ANKRD50: variants seen among roughly 807,000 people sequenced by gnomAD.
ANKRD50 encodes the protein ankyrin repeat domain 50.
A neutral mutation model predicts 112.0 loss-of-function variants in ANKRD50; 40 were observed. The ratio of observed to expected loss-of-function variants is 0.36; its 90% CI spans 0.28 to 0.46. The LOEUF is 0.46. ANKRD50 is among the 20% of genes least tolerant of loss of function. The pLI is 1.00. For synonymous variants in ANKRD50, 613 were observed against 619.1 expected, an observed-to-expected ratio of 0.99 and a Z score of 0.15; for missense variants, 1,487 against 1,701.7, an observed-to-expected ratio of 0.87 and a Z score of 2.22.
chr4:124,682,395 A>T (rs1225170687), intron 2 of ANKRD50, among the ~76,000 whole-genome samples: 1 of 151,514 alleles, frequency 6.6e-6, no homozygotes, highest in Middle Eastern at 3.5e-3. Context: ...TCTGTAATTG[A>T]CAATTAGGTT....
intron 4 of ANKRD50, 60 bp downstream of exon 4, chr4:124,668,924 C>T: frequency 6.9e-7 from 1 of 1,448,596 alleles, no homozygotes. Context: ...AGGAAAAGAG[C>T]ATTCCAAGTA....
rs189776082 is a variant in ANKRD50, at chr4:124,676,509, T to A, written c.742+2167A>T. Among the ~76,000 whole-genome samples, 183 of 151,664 alleles carry A rather than the reference T, an allele frequency of 1.2e-3. 2 individuals carry two copies. The highest frequency in any genetic ancestry group is 4.1e-3 in the African/African-American group (172 of 41,460). On this transcript the variant is annotated intron_variant, in intron 3 of 4. Transcript: ENST00000504087. Reference sequence around the variant, plus strand: ...GAGTAATAGTACACAGACATATCTATATGTACACACACCCAAACTTAATGT... The same window carrying A: ...GAGTAATAGTACACAGACATATCTAAATGTACACACACCCAAACTTAATGT...
intron 3 of ANKRD50, among the ~76,000 whole-genome samples, chr4:124,676,953 CATAAT>C (rs1730787356): frequency 2.0e-5 from 3 of 151,522 alleles, no homozygotes; most frequent in South Asian, 2.1e-4. Flanking sequence ...TACAAATAAA[CATAAT>C]AGAGTATTTT....
At chr4:124,708,885 A>T (rs915585519) in intron 2 of ANKRD50, among the ~76,000 whole-genome samples, 7 of 151,994 alleles carry the variant, frequency 4.6e-5, no homozygotes, top group African/African-American at 1.7e-4. Flanking sequence ...TTTGTAAAGC[A>T]CTTAGAATAA....
chr4:124,677,032 C>A (rs1198562750), intron 3 of ANKRD50, among the ~76,000 whole-genome samples: 1 of 151,562 alleles, frequency 6.6e-6, no homozygotes, highest in African/African-American at 2.4e-5. Flanking sequence ...TAAAAAGAAA[C>A]CACCCAACAC....
intron 3 of ANKRD50, among the ~76,000 whole-genome samples, chr4:124,674,842 C>G (rs897963951): frequency 1.3e-5 from 2 of 151,704 alleles, no homozygotes; most frequent in African/African-American, 4.8e-5. Context: ...ATGTTCTTTA[C>G]CAATGATGGT....
In ANKRD50 at chr4:124,672,317, T is replaced by C. The variant is rs1405053391; in HGVS notation, c.960A>G (p.Leu320=). Residue 320 remains leucine, a synonymous_variant, in exon 4 of 5, where the codon TTA becomes TTG. Transcript: ENST00000504087. ...LDGVVENFIM[L]REIRDIPGTL... The stretch of plus-strand genomic sequence containing the variant: ...TTCCTGGGATGTCACGAATTTCTCT[T>C]AACATAATAAAATTTTCTACAACTC... 4 of 1,613,300 alleles carry C rather than the reference T, an allele frequency of 2.5e-6. No individual in the cohort carries two copies. Among genetic ancestry groups the C allele is most frequent in the African/African-American group, 2.7e-5 (2 of 74,838 alleles).
chr4:124,711,892 C>T (rs1334770810), intron 1 of ANKRD50, among the ~76,000 whole-genome samples: 2 of 152,092 alleles, frequency 1.3e-5, no homozygotes, highest in African/African-American at 2.4e-5. Flanking sequence ...CCAGTCTGGC[C>T]GGAGAAAAGG....
At chr4:124,668,922 A>G (rs571371414) in intron 4 of ANKRD50, 62 bp downstream of exon 4, 2 of 1,446,736 alleles carry the variant, frequency 1.4e-6, no homozygotes, top group African/African-American at 1.4e-5. Flanking sequence ...CAAGGAAAAG[A>G]GCATTCCAAG....
chr4:124,703,212 T>A (rs917693260), intron 2 of ANKRD50, among the ~76,000 whole-genome samples: 3 of 151,888 alleles, frequency 2.0e-5, no homozygotes, highest in Non-Finnish European at 2.9e-5. Flanking sequence ...TGAAAAAAAA[T>A]ACCTAAAATA....
chr4:124,695,448 A>G (rs1050290928), intron 2 of ANKRD50, among the ~76,000 whole-genome samples: 2 of 152,190 alleles, frequency 1.3e-5, no homozygotes, highest in African/African-American at 4.8e-5. Flanking sequence ...TCCTCTAAGC[A>G]AAGTGCAAAC....
In ANKRD50 at chr4:124,666,777, C is replaced by A. The variant is rs183960122; in HGVS notation, c.*741G>T. ...AATGGAAGATGAAATTGTATCCCAGCGGATGAAATAGGACTTTGTTCTGCC... is the reference window on the plus strand; with the variant it reads ...AATGGAAGATGAAATTGTATCCCAGAGGATGAAATAGGACTTTGTTCTGCC... On this transcript the variant is annotated 3_prime_UTR_variant, in exon 5 of 5. Transcript: ENST00000504087. 2 of 152,282 alleles carry A rather than the reference C, an allele frequency of 1.3e-5. No homozygotes were observed. Among genetic ancestry groups the A allele is most frequent in the African/African-American group, 2.4e-5 (1 of 41,380 alleles). 9.4% of individuals were successfully genotyped at this position (152,282 alleles called of 1,614,324 possible).
rs1261001101 is a variant in ANKRD50 at position 124,671,848 on chromosome 4, A to G, written c.1429T>C (p.Trp477Arg). Reference protein sequence around the residue: ...ETAELALWMIWNGTPVRDSLS... With the variant: ...ETAELALWMIRNGTPVRDSLS... The stretch of plus-strand genomic sequence containing the variant: ...GAATCTCTGACAGGTGTACCATTCC[A>G]TATCATCCACAGAGCTAACTCCGCT... The change falls in exon 4 of 5, where the codon TGG becomes CGG. Residue 477 changes from tryptophan to arginine, a missense_variant. This residue lies in a region of ANKRD50 where 1,046 missense variants were observed against 1,269.5 expected (regional missense o/e 0.82). Transcript: ENST00000504087. 3 of 1,613,858 alleles carry G rather than the reference A, an allele frequency of 1.9e-6. No homozygotes were observed. Among genetic ancestry groups the G allele is most frequent in the Non-Finnish European group, 2.5e-6 (3 of 1,179,860 alleles).
chr4:124,694,208 T>C (rs958897719), intron 2 of ANKRD50, among the ~76,000 whole-genome samples: 4 of 152,196 alleles, frequency 2.6e-5, no homozygotes, highest in Non-Finnish European at 1.5e-5. Flanking sequence ...AACTAGTAAG[T>C]AAAATTGATA....
At chr4:124,690,330 A>G (rs1374336796) in intron 2 of ANKRD50, among the ~76,000 whole-genome samples, 1 of 152,182 alleles carries the variant, frequency 6.6e-6, no homozygotes, top group Non-Finnish European at 1.5e-5. Context: ...GCAACACACA[A>G]TTACCTCATT....
In ANKRD50 at chr4:124,710,332, A is replaced by G; in HGVS notation, c.180T>C (p.Asn60=). 1 of 1,614,172 alleles carries G rather than the reference A, an allele frequency of 6.2e-7. No individual in the cohort carries two copies. Among genetic ancestry groups the G allele is most frequent in the Non-Finnish European group, 8.5e-7 (1 of 1,180,030 alleles). ...APSLVMNSGN[N]ASGVSGKGAA... ...CTCCCTTTCCAGAGACACCACTAGC[A>G]TTATTCCCAGAATTCATTACAAGTG... The change falls in exon 2 of 5, where the codon AAT becomes AAC. Residue 60 remains asparagine (N), a synonymous_variant. Transcript: ENST00000504087.
intron 3 of ANKRD50, among the ~76,000 whole-genome samples, chr4:124,673,494 G>A (rs538918452): frequency 5.2e-4 from 79 of 152,144 alleles, no homozygotes; most frequent in African/African-American, 7.0e-4. Context: ...AAATCACTAT[G>A]AGCCTGAACA....
At chr4:124,711,515 T>G (rs1365056250) in intron 1 of ANKRD50, among the ~76,000 whole-genome samples, 1 of 152,164 alleles carries the variant, frequency 6.6e-6, no homozygotes, top group Non-Finnish European at 1.5e-5. Context: ...ACCCAAGATT[T>G]TTGCAACTTC....
At chr4:124,696,066 CG>C (rs1725244866) in intron 2 of ANKRD50, among the ~76,000 whole-genome samples, 1 of 151,380 alleles carries the variant, frequency 6.6e-6, no homozygotes, top group African/African-American at 2.4e-5. Flanking sequence ...TAGATGCAGA[CG>C]AATAATGCAA....
Sources: allele counts gnomAD v4.1 joint callset (sites outside exome capture counted in the v4.1 genomes callset), GRCh38; gene constraint gnomAD v4.1.1; regional missense constraint gnomAD v4.1.1; transcripts MANE v1.5; gene names NCBI Gene and HGNC (gene_info 2026-07-23, HGNC 2026-07-21).